The following ANO7 variants were observed in gnomAD, a reference collection of about 807,000 sequenced individuals.
ANO7 encodes the protein anoctamin 7, also known as anoctamin-7.
In ANO7, 114 loss-of-function variants were observed where a neutral mutation model predicts 115.8. The ratio of observed to expected loss-of-function variants is 0.98; its 90% confidence interval spans 0.85 to 1.15. The LOEUF (loss-of-function observed/expected upper bound fraction) is 1.15. ANO7 is among the 50% of genes most tolerant of loss of function. ANO7 has a pLI of 0.00. For missense variants in ANO7, 1,302 were observed against 1,201.2 expected (o/e 1.08, Z -1.24); for synonymous variants, 550 against 498.2 (o/e 1.10, Z -1.38).
chr2:241,216,003 C>T lies in ANO7; in HGVS notation c.1827-90C>T. ...TGCCCTTCAATTGCAAAGCAACAGG[C>T]TTGTCCCGGCCACATCTCCCCCAAG... On this transcript the variant is annotated intron_variant, in intron 18 of 24. Transcript: ENST00000674324. The T allele has an allele frequency of 4.1e-6, 6 of 1,481,242 alleles. No homozygotes were observed. The South Asian group carries it at 8.1e-5, about 20-fold the overall frequency. The allele number at this position is 1,481,242 out of a possible 1,614,324, so 91.8% of individuals were successfully genotyped here.
At chr2:241,217,111 G>T (rs745466651) in intron 19 of ANO7, among the ~76,000 whole-genome samples, 1 of 152,220 alleles carries the variant, frequency 6.6e-6, no homozygotes, top group Admixed American at 6.5e-5. Flanking sequence ...GGGGATTACA[G>T]GCGTGAGAAA....
chr2:241,236,817 C>A, the ANO7 span: 4 of 1,592,292 alleles, frequency 2.5e-6, no homozygotes, highest in Non-Finnish European at 2.6e-6. Flanking sequence ...TGGAAGAGAC[C>A]CCACACCTTG....
At chr2:241,232,604 ATAGAATAG>A in the ANO7 span, among the ~76,000 whole-genome samples, 3 of 152,132 alleles carry the variant, frequency 2.0e-5, no homozygotes, top group East Asian at 5.8e-4. Flanking sequence ...TGATAATTAT[ATAGAATAG>A]TAGAGGGAAA....
At chr2:241,221,094 C>T (rs922632967) in intron 21 of ANO7, among the ~76,000 whole-genome samples, 59 of 151,266 alleles carry the variant, frequency 3.9e-4, no homozygotes, top group Admixed American at 2.4e-3. Flanking sequence ...TTTTTTGAGA[C>T]GGAGTCTTGC....
intron 15 of ANO7, 26 bp downstream of exon 15, chr2:241,210,596 A>G: frequency 6.2e-7 from 1 of 1,603,132 alleles, no homozygotes; most frequent in Non-Finnish European, 8.5e-7. Flanking sequence ...CCGGCCAGGC[A>G]CTGACCAGGG....
At chr2:241,195,965 A>T (rs760408138) in intron 4 of ANO7, 120 bp downstream of exon 4, 1 of 1,585,594 alleles carries the variant, frequency 6.3e-7, no homozygotes, top group Non-Finnish European at 8.6e-7. Flanking sequence ...CAGGCCCCAA[A>T]GTCCTGCTGG....
At chr2:241,223,510 G>T in intron 22 of ANO7, 152 bp from the exon 23 acceptor site, 1 of 1,251,944 alleles carries the variant, frequency 8.0e-7, no homozygotes, top group Non-Finnish European at 1.1e-6. Flanking sequence ...AAGCTGGGGT[G>T]GCCTCTGCCC....
the ANO7 span, chr2:241,231,064 C>A: frequency 1.2e-6 from 1 of 836,854 alleles, no homozygotes; most frequent in South Asian, 1.7e-5. Flanking sequence ...AGCAACGTCA[C>A]GGCTGATTTA....
At position 241,216,136 on chromosome 2, in the gene ANO7, A is replaced by G. The variant is rs2068823500; in HGVS notation, c.1870A>G (p.Lys624Glu). Residue 624 changes from lysine (K) to glutamate (E), a missense_variant, in exon 19 of 25, where the codon AAG (lysine) becomes GAG (glutamate). Transcript: ENST00000674324. Reference protein sequence around the residue: ...WWQKFRLRSKKRKAGASAGAS... With the variant: ...WWQKFRLRSKERKAGASAGAS... Reference sequence around the variant, plus strand: ...GCAGAAGTTCCGGCTTCGCTCCAAGAAGAGGAAGGCGGGAGCTTCTGCAGG... The same window carrying G: ...GCAGAAGTTCCGGCTTCGCTCCAAGGAGAGGAAGGCGGGAGCTTCTGCAGG... The G allele has an allele frequency of 1.2e-6, 2 of 1,612,936 alleles. No individual in the cohort carries two copies. The highest frequency in any genetic ancestry group is 2.7e-5 in the African/African-American group (2 of 74,862).
At chr2:241,222,181 C>A (rs570051525) in intron 21 of ANO7, among the ~76,000 whole-genome samples, 1 of 151,772 alleles carries the variant, frequency 6.6e-6, no homozygotes, top group African/African-American at 2.4e-5. Context: ...TTGCAGTAAG[C>A]GAAGATCACG....
intron 21 of ANO7, 62 bp from the exon 22 acceptor site, chr2:241,223,124 A>C: frequency 6.8e-7 from 1 of 1,462,284 alleles, no homozygotes; most frequent in Middle Eastern, 1.8e-4. Context: ...CTAATTCCAG[A>C]GGCACCTGCC....
In ANO7 at chr2:241,218,299, G is replaced by C; in HGVS notation, c.2239G>C (p.Ala747Pro). Residue 747 changes from alanine (A) to proline (P), a missense_variant, in exon 21 of 25, where the codon GCC becomes CCC. Coordinates refer to ENST00000674324, the MANE Select transcript of ANO7 (RefSeq NM_001370694.2). ...LPRAYYRWTR[A>P]HDLRGFLNFT... is the part of the protein sequence containing the mutation. ...GCGCGCCTACTACCGGTGGACCCGC[G>C]CCCACGACCTGCGCGGCTTCCTCAA... The C allele has an allele frequency of 6.5e-7, 1 of 1,535,190 alleles. No homozygotes were observed. Among genetic ancestry groups the C allele is most frequent in the Non-Finnish European group, 8.7e-7 (1 of 1,148,678 alleles).
chr2:241,196,345 G>C (rs559805884), intron 4 of ANO7, among the ~76,000 whole-genome samples: 105 of 152,314 alleles, frequency 6.9e-4, no homozygotes, highest in African/African-American at 2.5e-3. Flanking sequence ...GCACAGGCAG[G>C]CGCAGGTGGG....
the ANO7 span, chr2:241,236,495 G>T: frequency 1.0e-6 from 1 of 990,356 alleles, no homozygotes; most frequent in Non-Finnish European, 1.6e-6. Context: ...GGAGCAAGAG[G>T]GCTACCTCCA....
Position 241,199,434 on chromosome 2 carries a change from G to C in ANO7, c.417+11G>C. 1 of 1,613,370 alleles carries C rather than the reference G, an allele frequency of 6.2e-7. No homozygotes were observed. The highest frequency in any genetic ancestry group is 8.5e-7 in the Non-Finnish European group (1 of 1,179,780). The stretch of plus-strand genomic sequence containing the variant: ...AAGCTGCCCTTGCAGGTACGTGGGA[G>C]GCATGGGGACAGGGTGGGCCTGGAG... On this transcript the variant is annotated intron_variant, in intron 5 of 24. Coordinates refer to ENST00000674324, the MANE Select transcript of ANO7 (RefSeq NM_001370694.2).
intron 3 of ANO7, among the ~76,000 whole-genome samples, chr2:241,193,055 T>C (rs1447970057): frequency 1.3e-5 from 2 of 152,012 alleles, no homozygotes; most frequent in Non-Finnish European, 2.9e-5. Context: ...TTTGTTTGGT[T>C]GGTTGGTTTT....
intron 19 of ANO7, 127 bp from the exon 20 acceptor site, chr2:241,217,559 T>TG: frequency 9.3e-7 from 1 of 1,080,552 alleles, no homozygotes; most frequent in Non-Finnish European, 1.3e-6. Context: ...GACCAGGAGG[T>TG]GGGGGCGGAA....
the ANO7 span, chr2:241,238,333 A>G: frequency 4.9e-6 from 1 of 205,268 alleles, no homozygotes; most frequent in Middle Eastern, 1.7e-3. The surrounding 1 kb of genome is among the most constrained non-coding windows in gnomAD (Gnocchi z 4.9). Flanking sequence ...CATGCGATCC[A>G]AACGATGTCA....
At chr2:241,200,831 A>G (rs2068453485) in intron 6 of ANO7, among the ~76,000 whole-genome samples, 1 of 152,150 alleles carries the variant, frequency 6.6e-6, no homozygotes, top group Non-Finnish European at 1.5e-5. Context: ...TGCCCCACCT[A>G]TGGCTTCCCA....
Sources: gnomAD v4.1 joint callset for allele counts (sites outside exome capture counted in the v4.1 genomes callset) on GRCh38, gnomAD v4.1.1 for gene constraint, Gnocchi (gnomAD v3.1) non-coding constraint, MANE v1.5 for transcripts, NCBI Gene and HGNC (gene_info 2026-07-23, HGNC 2026-07-21) for gene names.